The following MAPK10 variants were observed in gnomAD, a reference collection of about 807,000 sequenced individuals.
The protein encoded by MAPK10 is JNK3 alpha protein kinase.
MAPK10 carries 25 observed loss-of-function variants against 59.3 expected under a neutral mutation model. The observed-to-expected ratio is 0.42, with a 90% CI of 0.31 to 0.59. The LOEUF (loss-of-function observed/expected upper bound fraction) is 0.59. MAPK10 is among the 20% of genes least tolerant of loss of function. The pLI is 0.15. For missense variants in MAPK10, 351 were observed against 568.9 expected, an observed-to-expected ratio of 0.62 and a Z score of 3.90; for synonymous variants, 190 against 200.5, an observed-to-expected ratio of 0.95 and a Z score of 0.44.
intron 1 of MAPK10, among the ~76,000 whole-genome samples, chr4:86,530,708 G>A (rs1757790026): frequency 6.6e-6 from 1 of 152,098 alleles, no homozygotes; most frequent in Admixed American, 6.6e-5. Flanking sequence ...CATTCCTGAA[G>A]GCTCTGCCCT....
chr4:86,020,257 AT>A (rs1478092593), intron 13 of MAPK10: 2 of 152,186 alleles, frequency 1.3e-5, no homozygotes, highest in African/African-American at 4.8e-5. Context: ...ATGTATCTGT[AT>A]TTCATATCTT....
intron 11 of MAPK10, among the ~76,000 whole-genome samples, chr4:86,041,304 T>C (rs1409049280): frequency 6.6e-6 from 1 of 152,180 alleles, no homozygotes; most frequent in Non-Finnish European, 1.5e-5. Context: ...ACCAGACTCG[T>C]TCCTTACACC....
At chr4:86,460,182 T>C (rs1197882929) in intron 1 of MAPK10, among the ~76,000 whole-genome samples, 1 of 152,160 alleles carries the variant, frequency 6.6e-6, no homozygotes, top group Non-Finnish European at 1.5e-5. Flanking sequence ...TAGCAACACA[T>C]AGAAGTGATG....
At position 86,194,326 on chromosome 4, in the gene MAPK10, G is replaced by A. The variant is rs767390962; in HGVS notation, c.66+10C>T. 1 of 1,609,380 alleles carries A rather than the reference G, an allele frequency of 6.2e-7. No individual in the cohort carries two copies. Among genetic ancestry groups the A allele is most frequent in the South Asian group, 1.1e-5 (1 of 90,970 alleles). ...TACTGTACCTTGTTTTACCTGTAAG[G>A]AACACACACCTGACAAAAGGCAATT... On this transcript the variant is annotated intron_variant, in intron 3 of 13. Coordinates refer to ENST00000641462, the MANE Select transcript of MAPK10 (RefSeq NM_138982.4).
At chr4:86,186,709 C>T (rs1172177503) in intron 3 of MAPK10, among the ~76,000 whole-genome samples, 5 of 152,072 alleles carry the variant, frequency 3.3e-5, no homozygotes, top group Non-Finnish European at 7.4e-5. Flanking sequence ...AATAAGGTAA[C>T]ATACAATTTT....
intron 9 of MAPK10, among the ~76,000 whole-genome samples, chr4:86,074,975 A>G (rs1453687610): frequency 6.9e-6 from 1 of 145,382 alleles, no homozygotes; most frequent in Non-Finnish European, 1.5e-5. Flanking sequence ...CCTGGATAAT[A>G]TCCTGCAGAG....
At chr4:86,567,166 T>A (rs534652730) in intron 1 of MAPK10, among the ~76,000 whole-genome samples, 1 of 152,322 alleles carries the variant, frequency 6.6e-6, no homozygotes, top group South Asian at 2.1e-4. Context: ...CATAAAAATC[T>A]TATTCAAAAG....
intron 1 of MAPK10, among the ~76,000 whole-genome samples, chr4:86,537,811 G>A (rs926228687): frequency 6.6e-6 from 1 of 152,014 alleles, no homozygotes; most frequent in Non-Finnish European, 1.5e-5. Flanking sequence ...TTTGATAAAT[G>A]GCCATTATTA....
At chr4:86,592,587 C>T (rs918414141) in intron 1 of MAPK10, among the ~76,000 whole-genome samples, 4 of 152,196 alleles carry the variant, frequency 2.6e-5, no homozygotes, top group Non-Finnish European at 5.9e-5. Flanking sequence ...CTGTTCTTCC[C>T]AACCTGCCTT....
At chr4:86,201,564 T>C (rs1343681787) in intron 2 of MAPK10, among the ~76,000 whole-genome samples, 1 of 151,930 alleles carries the variant, frequency 6.6e-6, no homozygotes, top group Non-Finnish European at 1.5e-5. Flanking sequence ...TTACAAATTA[T>C]AGAAATGCTT....
At chr4:86,227,644 G>A (rs746815611) in intron 2 of MAPK10, among the ~76,000 whole-genome samples, 1 of 152,024 alleles carries the variant, frequency 6.6e-6, no homozygotes, top group Non-Finnish European at 1.5e-5. Flanking sequence ...ACTCTTCAGA[G>A]ATACTCAAAA....
chr4:86,348,841 G>GC (rs1729649040), intron 2 of MAPK10, among the ~76,000 whole-genome samples: 1 of 152,050 alleles, frequency 6.6e-6, no homozygotes, highest in Non-Finnish European at 1.5e-5. Context: ...CTCTAGCGCT[G>GC]CCACCCTCCA....
chr4:86,162,188 A>G (rs2069975880), intron 3 of MAPK10, among the ~76,000 whole-genome samples: 1 of 151,902 alleles, frequency 6.6e-6, no homozygotes, highest in Non-Finnish European at 1.5e-5. Flanking sequence ...TACATTCTAC[A>G]GAATTAAAAA....
intron 9 of MAPK10, among the ~76,000 whole-genome samples, chr4:86,094,350 T>C (rs558571079): frequency 2.6e-5 from 4 of 152,124 alleles, no homozygotes; most frequent in Admixed American, 1.3e-4. Flanking sequence ...CAATTTCCTG[T>C]TCTTCAGAGG....
chr4:86,027,724 C>T (rs1372529286), intron 13 of MAPK10: 1 of 152,178 alleles, frequency 6.6e-6, no homozygotes, highest in African/African-American at 2.4e-5. Context: ...AGGCACAGCA[C>T]CCAGGCACTA....
chr4:86,211,417 G>A (rs2085774232), intron 2 of MAPK10, among the ~76,000 whole-genome samples: 1 of 152,058 alleles, frequency 6.6e-6, no homozygotes, highest in Non-Finnish European at 1.5e-5. Flanking sequence ...GCAGAAGGGA[G>A]TGGGCTAATA....
chr4:86,087,301 A>T (rs1047148770), intron 9 of MAPK10, among the ~76,000 whole-genome samples: 1 of 152,216 alleles, frequency 6.6e-6, no homozygotes, highest in Non-Finnish European at 1.5e-5. Context: ...CTTCTGGAAA[A>T]GCAAAGAGTA....
At chr4:86,050,684 C>T (rs1391600400) in intron 11 of MAPK10, among the ~76,000 whole-genome samples, 1 of 152,112 alleles carries the variant, frequency 6.6e-6, no homozygotes, top group Non-Finnish European at 1.5e-5. Context: ...TTAAGAAAAC[C>T]TACCTGTGAC....
At chr4:86,374,333 C>A (rs893454374) in intron 1 of MAPK10, among the ~76,000 whole-genome samples, 1 of 152,092 alleles carries the variant, frequency 6.6e-6, no homozygotes, top group Non-Finnish European at 1.5e-5. Context: ...TACAACAAAC[C>A]TCCATGGCAC....
Sources: allele counts gnomAD v4.1 joint callset (sites outside exome capture counted in the v4.1 genomes callset), GRCh38; gene constraint gnomAD v4.1.1; transcripts MANE v1.5; gene names NCBI Gene and HGNC (gene_info 2026-07-23, HGNC 2026-07-21).